PLPPR5: variants seen among roughly 807,000 people sequenced by gnomAD.
The protein encoded by PLPPR5 is phospholipid phosphatase-related protein type 5.
Under a neutral mutation model 33.9 loss-of-function variants are expected in PLPPR5, and 16 were observed. That is an observed-to-expected ratio of 0.47 (90% CI 0.32 to 0.72). The LOEUF is 0.72. Among genes scored for constraint, PLPPR5 ranks in the 30% least tolerant of loss-of-function variants. The pLI is 0.03. For synonymous variants in PLPPR5, 163 were observed against 150.3 expected (o/e 1.08, Z -0.62); for missense variants, 301 against 406.7 (o/e 0.74, Z 2.23).
At chr1:98,903,975 TG>T (rs1263075582) in intron 5 of PLPPR5, among the ~76,000 whole-genome samples, 1 of 152,204 alleles carries the variant, frequency 6.6e-6, no homozygotes, top group Non-Finnish European at 1.5e-5. Context: ...TTCAATTCCT[TG>T]GGTCACCATG....
intron 1 of PLPPR5, among the ~76,000 whole-genome samples, chr1:98,965,362 T>C (rs935885690): frequency 6.6e-6 from 1 of 152,206 alleles, no homozygotes; most frequent in Admixed American, 6.5e-5. Flanking sequence ...TGTTGAACAC[T>C]ATGAAGCTCC....
chr1:98,936,285 A>G (rs1005777977), intron 3 of PLPPR5, among the ~76,000 whole-genome samples: 1 of 152,152 alleles, frequency 6.6e-6, no homozygotes, highest in Non-Finnish European at 1.5e-5. Flanking sequence ...ATAAGAGTTA[A>G]AAGGTCCTAA....
chr1:98,956,951 G>C (rs574170481), intron 1 of PLPPR5, among the ~76,000 whole-genome samples: 4 of 151,990 alleles, frequency 2.6e-5, no homozygotes, highest in Non-Finnish European at 5.9e-5. Context: ...GTCCAACAAT[G>C]ATAGACTGGA....
At chr1:98,976,884 G>A (rs1216183090) in intron 1 of PLPPR5, among the ~76,000 whole-genome samples, 1 of 151,892 alleles carries the variant, frequency 6.6e-6, no homozygotes, top group Non-Finnish European at 1.5e-5. Flanking sequence ...TGAGTATCGT[G>A]TGTCCAGATT....
At chr1:98,973,832 A>G (rs1358051077) in intron 1 of PLPPR5, among the ~76,000 whole-genome samples, 1 of 151,534 alleles carries the variant, frequency 6.6e-6, no homozygotes, top group Non-Finnish European at 1.5e-5. Flanking sequence ...TAAATGGTTT[A>G]AGATCCAAGT....
rs544999092 is a variant in PLPPR5, at chr1:99,004,753, AC to A, written c.-83del. The A allele has an allele frequency of 0.017, 16,231 of 951,534 alleles. 179 individuals are homozygous for A. Among genetic ancestry groups the A allele is most frequent in the African/African-American group, 0.033 (1,921 of 57,352 alleles). The allele number at this position is 951,534 out of a possible 1,614,324, so 58.9% of individuals were successfully genotyped here. ...CCCTCCCCGGTCCGCCGAGGCAGCCACCGGGGGCGCGGCGGCGGAGGCGGCG... is the reference window on the plus strand; with the variant it reads ...CCCTCCCCGGTCCGCCGAGGCAGCCACGGGGGCGCGGCGGCGGAGGCGGCG... On this transcript the variant is annotated 5_prime_UTR_variant, in exon 1 of 6. Transcript: ENST00000263177.
At chr1:98,992,010 A>AC (rs1164008973) in intron 1 of PLPPR5, among the ~76,000 whole-genome samples, 20 of 152,180 alleles carry the variant, frequency 1.3e-4, no homozygotes, top group African/African-American at 4.6e-4. Context: ...ACCCACAGGT[A>AC]CCCTTTTATC....
rs201821045 is a variant in PLPPR5, at chr1:98,922,917, G to A, written c.622-859C>T. ...GGAGAATGGCATGAACCCAGAAGGC[G>A]GAGCTTGCAGTGAGCTGAGATCGTG... is the stretch of plus-strand genomic sequence containing the variant. On this transcript the variant is annotated intron_variant, in intron 3 of 5. Transcript: ENST00000263177. 1.8e-4 allele frequency among the ~76,000 whole-genome samples: 27 copies of A among 152,138 alleles called. 1 individual carries two copies. The East Asian group carries it at 4.5e-3, about 25-fold the overall frequency.
intron 5 of PLPPR5, among the ~76,000 whole-genome samples, chr1:98,904,007 A>G (rs555042122): frequency 1.3e-5 from 2 of 152,250 alleles, no homozygotes; most frequent in South Asian, 2.1e-4. Context: ...GAACATTCCT[A>G]TCCATATAAT....
chr1:98,957,540 AAC>A (rs1393884634), intron 1 of PLPPR5, among the ~76,000 whole-genome samples: 1 of 152,054 alleles, frequency 6.6e-6, no homozygotes, highest in Non-Finnish European at 1.5e-5. Context: ...CAGAATTCAC[AAC>A]AGATTCTCCA....
chr1:98,948,597 G>C (rs192604154), intron 3 of PLPPR5, among the ~76,000 whole-genome samples: 6 of 152,270 alleles, frequency 3.9e-5, no homozygotes, highest in Admixed American at 1.3e-4. Flanking sequence ...TGACAGAGAT[G>C]TGTAACAAGC....
intron 5 of PLPPR5, among the ~76,000 whole-genome samples, chr1:98,912,299 T>C (rs115643821): frequency 0.014 from 2,057 of 152,302 alleles, 17 homozygotes; most frequent in Middle Eastern, 0.017. Context: ...AATAGGATAT[T>C]AGCTAAGTCA....
At chr1:98,900,877 C>A (rs572411678) in intron 5 of PLPPR5, among the ~76,000 whole-genome samples, 3 of 152,034 alleles carry the variant, frequency 2.0e-5, no homozygotes, top group Non-Finnish European at 4.4e-5. Flanking sequence ...ATTTCAGAAC[C>A]ATTCAAAATC....
At chr1:98,997,578 G>A (rs542962357) in intron 1 of PLPPR5, among the ~76,000 whole-genome samples, 1 of 152,006 alleles carries the variant, frequency 6.6e-6, no homozygotes, top group Non-Finnish European at 1.5e-5. Flanking sequence ...AACAGCCTTG[G>A]GTATTGCATT....
At chr1:98,913,602 G>A (rs1649234299) in intron 5 of PLPPR5, among the ~76,000 whole-genome samples, 1 of 152,104 alleles carries the variant, frequency 6.6e-6, no homozygotes, top group Admixed American at 6.5e-5. Flanking sequence ...TTTATTTCTA[G>A]TTAATTATGA....
chr1:98,965,222 A>C (rs1651394429), intron 1 of PLPPR5, among the ~76,000 whole-genome samples: 1 of 152,092 alleles, frequency 6.6e-6, no homozygotes, highest in Admixed American at 6.6e-5. Flanking sequence ...GGAGGAAGAG[A>C]TCTGCTCCTG....
At chr1:98,900,216 A>C (rs902692345) in intron 5 of PLPPR5, among the ~76,000 whole-genome samples, 1 of 152,172 alleles carries the variant, frequency 6.6e-6, no homozygotes. Context: ...TCATAAGATC[A>C]ATCTTTAACA....
At chr1:98,971,390 A>G (rs6674906) in intron 1 of PLPPR5, among the ~76,000 whole-genome samples, 36,461 of 151,860 alleles carry the variant, frequency 0.24, 4,501 homozygotes, top group East Asian at 0.4. Context: ...CCTATTGATT[A>G]TAAATGTTAA....
chr1:98,907,228 G>C (rs1648938347), intron 5 of PLPPR5, among the ~76,000 whole-genome samples: 2 of 119,508 alleles, frequency 1.7e-5, no homozygotes, highest in Admixed American at 1.9e-4. Flanking sequence ...TTCTGATGAA[G>C]TCTCACTCTG....
Sources: allele counts gnomAD v4.1 joint callset (sites outside exome capture counted in the v4.1 genomes callset), GRCh38; gene constraint gnomAD v4.1.1; transcripts MANE v1.5; gene names NCBI Gene and HGNC (gene_info 2026-07-23, HGNC 2026-07-21).